Variants in KDM1B observed in about 807,000 individuals in gnomAD.
The protein encoded by KDM1B is lysine-specific histone demethylase 2.
In KDM1B, 63 loss-of-function variants were observed where a neutral mutation model predicts 107.4. The observed-to-expected ratio is 0.59, with a 90% CI of 0.48 to 0.72. The LOEUF is 0.72. Ranked by LOEUF, KDM1B falls within the 30% of genes least tolerant of loss-of-function variation. The probability of loss-of-function intolerance (pLI) is 0.00; values close to 1 mark genes in which losing one functional copy is unlikely to be tolerated. For missense variants in KDM1B, 749 were observed against 1,020.8 expected (o/e 0.73, Z 3.63); for synonymous variants, 363 against 363.9 (o/e 1.00, Z 0.03).
intron 20 of KDM1B, among the ~76,000 whole-genome samples, chr6:18,216,911 T>TC (rs1789278008): frequency 6.6e-6 from 1 of 152,222 alleles, no homozygotes; most frequent in Non-Finnish European, 1.5e-5. Context: ...GTTTCAGGCA[T>TC]CCCCTGCGGG....
At chr6:18,180,845 C>T (rs1265773264) in intron 7 of KDM1B, among the ~76,000 whole-genome samples, 3 of 152,168 alleles carry the variant, frequency 2.0e-5, no homozygotes, top group East Asian at 1.9e-4. Flanking sequence ...GGATTACAGG[C>T]GTGAGCCACT....
At chr6:18,207,697 A>AGGC (rs1407899167) in intron 16 of KDM1B, among the ~76,000 whole-genome samples, 168 bp downstream of exon 16, 1 of 152,202 alleles carries the variant, frequency 6.6e-6, no homozygotes, top group Non-Finnish European at 1.5e-5. Flanking sequence ...CATGTCAGTG[A>AGGC]GGCAGCTGCT....
chr6:18,218,085 CTTCATATTTTAAAAGTG>C (rs1213743651), intron 21 of KDM1B, among the ~76,000 whole-genome samples, 200 bp downstream of exon 21: 104 of 152,216 alleles, frequency 6.8e-4, no homozygotes, highest in Non-Finnish European at 4.7e-4. Flanking sequence ...CTGGACTTCA[CTTCATATTTTAAAAGTG>C]TTTATATTGC....
At chr6:18,218,626 C>T (rs909769003) in intron 21 of KDM1B, among the ~76,000 whole-genome samples, 1 of 152,310 alleles carries the variant, frequency 6.6e-6, no homozygotes, top group South Asian at 2.1e-4. Context: ...TACCTTCTTA[C>T]ACAGTTTTCT....
chr6:18,171,582 G>C, intron 7 of KDM1B, 103 bp downstream of exon 7: 1 of 722,072 alleles, frequency 1.4e-6, no homozygotes, highest in South Asian at 1.5e-5. Flanking sequence ...ATTCTGTCAA[G>C]GTTGTATTTG....
intron 7 of KDM1B, among the ~76,000 whole-genome samples, chr6:18,179,412 G>A (rs1561920874): frequency 6.6e-6 from 1 of 152,208 alleles, no homozygotes; most frequent in East Asian, 1.9e-4. Flanking sequence ...TCTGTGAAAC[G>A]AGCAGTATAT....
At chr6:18,193,600 C>T (rs1315393850) in intron 10 of KDM1B, among the ~76,000 whole-genome samples, 1 of 152,034 alleles carries the variant, frequency 6.6e-6, no homozygotes, top group East Asian at 1.9e-4. Flanking sequence ...CCACACCTGG[C>T]CTTGAAATGA....
intron 7 of KDM1B, among the ~76,000 whole-genome samples, chr6:18,179,019 G>A (rs769643014): frequency 1.1e-4 from 17 of 152,290 alleles, no homozygotes; most frequent in South Asian, 4.1e-4. Context: ...GTTCAGTATC[G>A]TCATATACAG....
chr6:18,175,203 C>T (rs1266068629), intron 7 of KDM1B, among the ~76,000 whole-genome samples: 1 of 152,224 alleles, frequency 6.6e-6, no homozygotes, highest in East Asian at 1.9e-4. Flanking sequence ...GGTGGTATCA[C>T]ATTGTGGTTT....
At chr6:18,218,783 C>G (rs1228130105) in intron 21 of KDM1B, among the ~76,000 whole-genome samples, 1 of 152,244 alleles carries the variant, frequency 6.6e-6, no homozygotes, top group East Asian at 1.9e-4. Context: ...TTGAAATGTC[C>G]CCTTCCTGAG....
intron 7 of KDM1B, among the ~76,000 whole-genome samples, chr6:18,174,344 A>G (rs576706103): frequency 6.6e-6 from 1 of 152,150 alleles, no homozygotes; most frequent in African/African-American, 2.4e-5. Flanking sequence ...TGGGTTTTTT[A>G]TTGGAATGCA....
In KDM1B at chr6:18,211,288, G is replaced by A. The variant is rs562057526; in HGVS notation, c.1867-1200G>A. 3.9e-5 allele frequency among the ~76,000 whole-genome samples: 6 copies of A among 152,230 alleles called. No individual in the cohort carries two copies. In the East Asian group the frequency reaches 1.2e-3, roughly 29 times the overall value. ...GAAGCCTCAGGTAGATTGGGTGCTT[G>A]GTCTTCAACTCCATTCCACTCTGAT... On this transcript the variant is annotated intron_variant, in intron 17 of 21. Coordinates refer to ENST00000650836, the MANE Select transcript of KDM1B (RefSeq NM_001364614.2). The surrounding 1 kb of genome is among the most constrained non-coding windows in gnomAD (Gnocchi z 5.2).
intron 17 of KDM1B, among the ~76,000 whole-genome samples, chr6:18,208,714 G>A (rs1181873422): frequency 3.1e-5 from 4 of 127,352 alleles, no homozygotes; most frequent in Non-Finnish European, 6.3e-5. Flanking sequence ...GCGCAAACTC[G>A]GCTCACTGCA....
rs1262465475 is a variant in KDM1B, at chr6:18,222,809, A to C, written c.*817A>C. On this transcript the variant is annotated 3_prime_UTR_variant, in exon 22 of 22. Transcript: ENST00000650836. ...TAATTTTGGCAACCACTAGCAAAAA[A>C]ACTTGTCAGAATAATTTAACCAAGC... The C allele has an allele frequency of 2.6e-5, 4 of 152,610 alleles. No homozygotes were observed. 9.5% of individuals were successfully genotyped at this position (152,610 alleles called of 1,614,324 possible).
Position 18,199,190 on chromosome 6 carries a change from C to A in KDM1B, c.1222-1249C>A, listed in dbSNP as rs536027205. On this transcript the variant is annotated intron_variant, in intron 12 of 21. Coordinates refer to ENST00000650836, the MANE Select transcript of KDM1B (RefSeq NM_001364614.2). ...TCCAGTCTGGGTGACAGAGTGAGAC[C>A]CCAACTCAAACAAAAACTAGAAATG... Among the ~76,000 whole-genome samples, 6 of 151,820 alleles carry A rather than the reference C, an allele frequency of 4.0e-5. 1 individual carries two copies. In the East Asian group the frequency reaches 1.2e-3, roughly 29 times the overall value.
Position 18,201,471 on chromosome 6 carries a change from CTTA to C in KDM1B, c.1360-9_1360-7del. 1 of 1,537,762 alleles carries C rather than the reference CTTA, an allele frequency of 6.5e-7. No individual in the cohort carries two copies. The highest frequency in any genetic ancestry group is 8.8e-7 in the Non-Finnish European group (1 of 1,140,994). On this transcript the variant is annotated splice_polypyrimidine_tract_variant and intron_variant, in intron 13 of 21. Transcript: ENST00000650836. The surrounding 1 kb of genome is among the most constrained non-coding windows in gnomAD (Gnocchi z 4.3). ...CAGGGAAAATTTTCACCTTCTTATT[CTTA>C]TTATTTTGAAGCTTGGCATCAGCAT...
intron 2 of KDM1B, among the ~76,000 whole-genome samples, chr6:18,156,711 CTTCAAGA>C (rs1330164925): frequency 1.3e-5 from 2 of 151,946 alleles, no homozygotes; most frequent in Non-Finnish European, 2.9e-5. Context: ...GTCAGGAGTA[CTTCAAGA>C]CCAGCCTGGC....
At chr6:18,185,359 T>C (rs1006094582) in intron 7 of KDM1B, among the ~76,000 whole-genome samples, 1 of 151,922 alleles carries the variant, frequency 6.6e-6, no homozygotes, top group Non-Finnish European at 1.5e-5. Flanking sequence ...TGGAGCGCAG[T>C]AGCGCAGTCT....
chr6:18,158,055 C>T (rs146172059), intron 2 of KDM1B, among the ~76,000 whole-genome samples: 11,064 of 151,954 alleles, frequency 0.073, 551 homozygotes, highest in South Asian at 0.17. Context: ...TGTCGTGATC[C>T]GCCCACCTCA....
Sources: allele counts gnomAD v4.1 joint callset (sites outside exome capture counted in the v4.1 genomes callset), GRCh38; gene constraint gnomAD v4.1.1; non-coding constraint Gnocchi (gnomAD v3.1); transcripts MANE v1.5; gene names NCBI Gene and HGNC (gene_info 2026-07-23, HGNC 2026-07-21).